TMEM61: variants seen among roughly 807,000 people sequenced by gnomAD.
The protein encoded by TMEM61 is transmembrane protein 61.
Under a neutral mutation model 12.0 loss-of-function variants are expected in TMEM61, and 13 were observed. The observed-to-expected ratio is 1.08, with a 90% CI of 0.70 to 1.72. The LOEUF is 1.72. Ranked by LOEUF, TMEM61 falls within the 40% of genes most tolerant of loss-of-function variation. TMEM61 has a pLI of 0.00. For synonymous variants in TMEM61, 109 were observed against 121.4 expected (o/e 0.90, Z 0.67); for missense variants, 249 against 276.9 (o/e 0.90, Z 0.71).
chr1:54,991,841 C>G lies in TMEM61; in HGVS notation c.371C>G (p.Pro124Arg). 1 of 1,613,894 alleles carries G rather than the reference C, an allele frequency of 6.2e-7. No homozygotes were observed. Among genetic ancestry groups the G allele is most frequent in the Non-Finnish European group, 8.5e-7 (1 of 1,179,914 alleles). Residue 124 changes from proline (P) to arginine (R), a missense_variant, in exon 3 of 3, where the codon CCC becomes CGC. By Grantham distance (103) the Pro-to-Arg change is moderately radical. Coordinates refer to ENST00000371268, the MANE Select transcript of TMEM61 (RefSeq NM_182532.3). ...CCTCTCTTCTGTTCCTGCAGGACCC[C>G]CAAAGTGGTTGACATCCCCACTTAC... ...ESSEKESCRTPKVVDIPTYEE... is the reference protein window; with the variant it reads ...ESSEKESCRTRKVVDIPTYEE...
At chr1:54,987,173 TC>T (rs1454707883) in intron 2 of TMEM61, among the ~76,000 whole-genome samples, 1 of 152,182 alleles carries the variant, frequency 6.6e-6, no homozygotes, top group East Asian at 1.9e-4. Context: ...ACTCCCTACT[TC>T]AGGTGACACT....
chr1:54,984,452 G>C (rs1413164620), intron 1 of TMEM61, among the ~76,000 whole-genome samples: 1 of 152,180 alleles, frequency 6.6e-6, no homozygotes, highest in Non-Finnish European at 1.5e-5. Context: ...GACCAAAGCC[G>C]GGACTGTCCT....
intron 1 of TMEM61, among the ~76,000 whole-genome samples, chr1:54,984,993 C>T (rs1379192938): frequency 1.3e-5 from 2 of 152,154 alleles, no homozygotes; most frequent in Non-Finnish European, 1.5e-5. Flanking sequence ...TGAGACAACA[C>T]TGTATGCATA....
Position 54,992,081 on chromosome 1 carries a change from A to G in TMEM61, c.611A>G (p.Gln204Arg), listed in dbSNP as rs961103010. The change falls in exon 3 of 3, where the codon CAG becomes CGG. Residue 204 changes from glutamine (Q) to arginine (R), a missense_variant. Physicochemically the swap from Gln to Arg is conservative, Grantham distance 43. Coordinates refer to ENST00000371268, the MANE Select transcript of TMEM61 (RefSeq NM_182532.3). ...ACACGCTCCTGCTCAGGCCTGGTTC[A>G]GACTGCACGGGGAGGAAGTTAAAGG... ...SATRSCSGLV[Q>R]TARGGS 1.2e-6 allele frequency: 2 copies of G among 1,612,938 alleles called. No homozygotes were observed. The highest frequency in any genetic ancestry group is 2.7e-5 in the African/African-American group (2 of 75,054).
At chr1:54,985,653 CAG>C (rs1644252527) in intron 1 of TMEM61, among the ~76,000 whole-genome samples, 1 of 152,234 alleles carries the variant, frequency 6.6e-6, no homozygotes, top group Admixed American at 6.5e-5. Context: ...TATTCAGTAA[CAG>C]TGTCCATCTC....
At chr1:54,984,490 A>T (rs1644245584) in intron 1 of TMEM61, among the ~76,000 whole-genome samples, 1 of 152,192 alleles carries the variant, frequency 6.6e-6, no homozygotes, top group Non-Finnish European at 1.5e-5. Context: ...GGAAGCTGGA[A>T]TCCTGCACTG....
At chr1:54,990,885 A>G (rs561857886) in intron 2 of TMEM61, among the ~76,000 whole-genome samples, 2 of 152,290 alleles carry the variant, frequency 1.3e-5, no homozygotes, top group Middle Eastern at 3.4e-3. Flanking sequence ...TTACAGACCC[A>G]TGATCTCCCA....
intron 2 of TMEM61, among the ~76,000 whole-genome samples, chr1:54,986,962 C>G (rs1383602823): frequency 6.6e-6 from 1 of 152,220 alleles, no homozygotes; most frequent in East Asian, 1.9e-4. Flanking sequence ...GTGCCAGGCA[C>G]TGTTCAAAGT....
chr1:54,989,589 C>T (rs1188916053), intron 2 of TMEM61, among the ~76,000 whole-genome samples: 1 of 152,230 alleles, frequency 6.6e-6, no homozygotes, highest in African/African-American at 2.4e-5. Flanking sequence ...GGCCTGCTCC[C>T]AGAGGGGTGT....
At position 54,987,471 on chromosome 1, in the gene TMEM61, A is replaced by G. The variant is rs75627345; in HGVS notation, c.365+1025A>G. On this transcript the variant is annotated intron_variant, in intron 2 of 2. Transcript: ENST00000371268. ...CTTCCATGAAATTGTAACACCCCAG[A>G]TACACTGTGTATTTGTTTATGTTCT... Among the ~76,000 whole-genome samples the G allele has an allele frequency of 2.8e-4, 42 of 152,126 alleles. No homozygotes were observed. The East Asian group carries it at 6.6e-3, about 24-fold the overall frequency.
chr1:54,984,189 C>T (rs980591788), intron 1 of TMEM61, among the ~76,000 whole-genome samples: 50 of 152,162 alleles, frequency 3.3e-4, no homozygotes, highest in African/African-American at 9.7e-4. Context: ...TGAGCAGCCG[C>T]ACAGCAGTAT....
chr1:54,985,037 G>A (rs1644248394), intron 1 of TMEM61, among the ~76,000 whole-genome samples: 1 of 152,136 alleles, frequency 6.6e-6, no homozygotes, highest in African/African-American at 2.4e-5. Context: ...AGCAAGATGT[G>A]ATAAATGTTT....
rs780127208 is a variant in TMEM61 at position 54,983,109 on chromosome 1, G to GTTTTTTTTTTTTTTTTTTTTTTTTTTTTT, written c.15+2041_15+2042insTTTTTTTTTTTTTTTTTTTTTTTTTTTTT. 2.7e-5 allele frequency among the ~76,000 whole-genome samples: 3 copies of GTTTTTTTTTTTTTTTTTTTTTTTTTTTTT among 109,522 alleles called. 1 individual carries two copies. The highest frequency in any genetic ancestry group is 3.7e-5 in the Non-Finnish European group (2 of 54,418). The allele number at this position is 109,522 out of a possible 152,430, so 71.9% of individuals were successfully genotyped here. On this transcript the variant is annotated intron_variant, in intron 1 of 2. Transcript: ENST00000371268. ...TTAGTGGTGATTTGTGTTTTGCTTT[G>GTTTTTTTTTTTTTTTTTTTTTTTTTTTTT]TTTTTTTTTTTTGTTTTTTTTTGAG...
chr1:54,991,750 C>T (rs1644299599), intron 2 of TMEM61, 86 bp from the exon 3 acceptor site: 2 of 1,481,056 alleles, frequency 1.4e-6, no homozygotes, highest in South Asian at 1.3e-5. Flanking sequence ...GAAGACTTCT[C>T]TGCCCCCAGC....
chr1:54,982,714 G>T (rs951001038), intron 1 of TMEM61, among the ~76,000 whole-genome samples: 1 of 152,170 alleles, frequency 6.6e-6, no homozygotes, highest in African/African-American at 2.4e-5. Context: ...TTTGCAGCGT[G>T]GTCTCAACTT....
intron 2 of TMEM61, among the ~76,000 whole-genome samples, chr1:54,991,472 G>T (rs115194787): frequency 0.016 from 2,445 of 152,240 alleles, 61 homozygotes; most frequent in African/African-American, 0.055. Flanking sequence ...TCTGTCTATG[G>T]ACCACCATCA....
chr1:54,987,900 C>T (rs566464233), intron 2 of TMEM61, among the ~76,000 whole-genome samples: 4 of 152,164 alleles, frequency 2.6e-5, no homozygotes, highest in East Asian at 1.9e-4. Flanking sequence ...TTTTCCGAGT[C>T]GAAGAATGTA....
chr1:54,983,998 G>T (rs1008751493), intron 1 of TMEM61, among the ~76,000 whole-genome samples: 4 of 152,070 alleles, frequency 2.6e-5, no homozygotes, highest in African/African-American at 7.2e-5. Context: ...AAAGATTGAG[G>T]TCCACTCCCA....
intron 2 of TMEM61, among the ~76,000 whole-genome samples, chr1:54,989,646 C>T (rs1474268970): frequency 6.6e-6 from 1 of 152,230 alleles, no homozygotes; most frequent in Non-Finnish European, 1.5e-5. Flanking sequence ...TCGACTGTGA[C>T]CTTGGCGACT....
Sources: allele counts gnomAD v4.1 joint callset (sites outside exome capture counted in the v4.1 genomes callset), GRCh38; gene constraint gnomAD v4.1.1; transcripts MANE v1.5; gene names NCBI Gene and HGNC (gene_info 2026-07-23, HGNC 2026-07-21).